Variants in MBD5 observed in about 807,000 individuals in gnomAD.
The protein encoded by MBD5 is methyl-CpG binding domain protein 5.
A neutral mutation model predicts 117.3 loss-of-function variants in MBD5; 13 were observed. The ratio of observed to expected loss-of-function variants is 0.11; its 90% CI spans 0.07 to 0.18. The LOEUF is 0.18. Ranked by LOEUF, MBD5 falls within the 10% of genes least tolerant of loss-of-function variation. The probability of loss-of-function intolerance (pLI) is 1.00; values close to 1 mark genes in which losing one functional copy is unlikely to be tolerated. For synonymous variants in MBD5, 727 were observed against 766.4 expected (o/e 0.95, Z 0.85); for missense variants, 1,879 against 2,093.8 (o/e 0.90, Z 2.00).
At chr2:148,139,049 T>C (rs1306522580) in intron 1 of MBD5, among the ~76,000 whole-genome samples, 1 of 152,242 alleles carries the variant, frequency 6.6e-6, no homozygotes, top group Admixed American at 6.5e-5. Flanking sequence ...TTTTATATAT[T>C]GTTTTAGAGA....
At chr2:148,250,480 G>A (rs998563048) in intron 3 of MBD5, among the ~76,000 whole-genome samples, 2 of 152,210 alleles carry the variant, frequency 1.3e-5, no homozygotes, top group Non-Finnish European at 2.9e-5. Flanking sequence ...CTGAAAGTGG[G>A]TAATGGATTG....
intron 1 of MBD5, among the ~76,000 whole-genome samples, chr2:148,123,310 C>T (rs1347694150): frequency 1.3e-5 from 2 of 152,108 alleles, no homozygotes; most frequent in Non-Finnish European, 2.9e-5. Flanking sequence ...TATGAATTGA[C>T]ATGAAGAGAT....
In MBD5 at chr2:148,381,189, G is replaced by A. The variant is rs369165864; in HGVS notation, c.-557+38853G>A. ...TACTCTGAGCTAAAGGAGGAAGTTC[G>A]AACCAATGGCAAAGAAGTTAAAAAC... On this transcript the variant is annotated intron_variant, in intron 4 of 13. Coordinates refer to ENST00000642680, the MANE Select transcript of MBD5 (RefSeq NM_001378120.1). Among the ~76,000 whole-genome samples, 33 of 152,184 alleles carry A rather than the reference G, an allele frequency of 2.2e-4. No individual in the cohort carries two copies. The Middle Eastern group carries it at 0.01, about 47-fold the overall frequency.
intron 3 of MBD5, among the ~76,000 whole-genome samples, chr2:148,323,725 G>A (rs1702356193): frequency 6.6e-6 from 1 of 152,128 alleles, no homozygotes; most frequent in Non-Finnish European, 1.5e-5. Context: ...TGAGTTCATT[G>A]TAGATTGTGG....
chr2:148,440,734 T>G (rs1706293499), intron 4 of MBD5, among the ~76,000 whole-genome samples: 1 of 152,110 alleles, frequency 6.6e-6, no homozygotes, highest in African/African-American at 2.4e-5. Flanking sequence ...TAAAACGGAG[T>G]TTGGCAAGTG....
At chr2:148,499,665 A>G (rs1343474152) in intron 11 of MBD5, among the ~76,000 whole-genome samples, 1 of 152,148 alleles carries the variant, frequency 6.6e-6, no homozygotes, top group African/African-American at 2.4e-5. Flanking sequence ...AACCTTTTTA[A>G]TGTTACATTT....
In MBD5 at chr2:148,514,367, C is replaced by T. The variant is rs1395651635; in HGVS notation, c.*1426C>T. On this transcript the variant is annotated 3_prime_UTR_variant, in exon 14 of 14. Coordinates refer to ENST00000642680, the MANE Select transcript of MBD5 (RefSeq NM_001378120.1). Reference sequence around the variant, plus strand: ...ACAACATAATTTTCCGTCTTCTTCTCACAATTTTTGTGGTGGTGGTATTAC... The same window carrying T: ...ACAACATAATTTTCCGTCTTCTTCTTACAATTTTTGTGGTGGTGGTATTAC... 1 of 152,202 alleles carries T rather than the reference C, an allele frequency of 6.6e-6. No individual in the cohort carries two copies. The highest frequency in any genetic ancestry group is 1.5e-5 in the Non-Finnish European group (1 of 68,034). The allele number at this position is 152,202 out of a possible 1,614,324, so 9.4% of individuals were successfully genotyped here.
At chr2:148,435,463 T>C (rs1304926595) in intron 4 of MBD5, among the ~76,000 whole-genome samples, 11 of 152,210 alleles carry the variant, frequency 7.2e-5, no homozygotes, top group Non-Finnish European at 1.5e-5. Context: ...TAGCATTTGC[T>C]TGTCTAAAAA....
rs561351514 is a variant in MBD5, at chr2:148,397,923, G to C, written c.-557+55587G>C. On this transcript the variant is annotated intron_variant, in intron 4 of 13. Coordinates refer to ENST00000642680, the MANE Select transcript of MBD5 (RefSeq NM_001378120.1). The stretch of plus-strand genomic sequence containing the variant: ...CAGTGTTTGGTTTTTTGTCTTTTGC[G>C]ATAGTTTGCAGAGAATGATGGTTTC... Among the ~76,000 whole-genome samples the C allele has an allele frequency of 1.5e-3, 228 of 151,972 alleles. 1 individual carries two copies. The highest frequency in any genetic ancestry group is 2.8e-3 in the Non-Finnish European group (188 of 67,990).
intron 1 of MBD5, among the ~76,000 whole-genome samples, chr2:148,119,066 T>A (rs1696705098): frequency 6.6e-6 from 1 of 152,162 alleles, no homozygotes; most frequent in East Asian, 1.9e-4. Context: ...GTTGGGTAAA[T>A]TTATATTTAA....
chr2:148,165,557 T>C (rs1193714654), intron 1 of MBD5, among the ~76,000 whole-genome samples: 1 of 152,106 alleles, frequency 6.6e-6, no homozygotes, highest in Non-Finnish European at 1.5e-5. Context: ...ACAGGTTTTT[T>C]ATATATTTTA....
At chr2:148,250,283 G>A (rs1700435942) in intron 3 of MBD5, among the ~76,000 whole-genome samples, 1 of 152,114 alleles carries the variant, frequency 6.6e-6, no homozygotes, top group Admixed American at 6.6e-5. Flanking sequence ...GACACAAAGA[G>A]GGAAACAACA....
chr2:148,472,239 G>C (rs190157211), intron 8 of MBD5: 7 of 151,940 alleles, frequency 4.6e-5, no homozygotes, highest in African/African-American at 1.7e-4. Context: ...GACCTGTACT[G>C]TTACTGCTGG....
intron 1 of MBD5, among the ~76,000 whole-genome samples, chr2:148,163,347 T>C (rs1293983602): frequency 6.6e-6 from 1 of 152,214 alleles, no homozygotes; most frequent in Non-Finnish European, 1.5e-5. Context: ...TTACTTCTTC[T>C]CTTAGCTTTG....
intron 1 of MBD5, among the ~76,000 whole-genome samples, chr2:148,063,954 C>G (rs1402901136): frequency 6.6e-6 from 1 of 151,952 alleles, no homozygotes; most frequent in South Asian, 2.1e-4. Flanking sequence ...CATTGCCACC[C>G]TGTTTGCTCA....
intron 3 of MBD5, among the ~76,000 whole-genome samples, chr2:148,238,896 C>A (rs1310536673): frequency 6.6e-6 from 1 of 152,012 alleles, no homozygotes; most frequent in Non-Finnish European, 1.5e-5. Context: ...TTAATTACAT[C>A]TATAAAGACT....
At chr2:148,127,654 C>T (rs1696936031) in intron 1 of MBD5, among the ~76,000 whole-genome samples, 1 of 152,086 alleles carries the variant, frequency 6.6e-6, no homozygotes, top group Admixed American at 6.6e-5. Context: ...TGGGTTGATT[C>T]CATGTCTTTG....
At chr2:148,331,088 T>C (rs1422946029) in intron 3 of MBD5, among the ~76,000 whole-genome samples, 1 of 152,214 alleles carries the variant, frequency 6.6e-6, no homozygotes, top group East Asian at 1.9e-4. Flanking sequence ...TGCTATATGC[T>C]AGCTTCCATG....
chr2:148,511,527 G>A (rs1682213939), intron 13 of MBD5, among the ~76,000 whole-genome samples: 1 of 152,190 alleles, frequency 6.6e-6, no homozygotes, highest in African/African-American at 2.4e-5. Context: ...TGTTCATGTT[G>A]CAAGATCTTT....
Sources: gnomAD v4.1 joint callset for allele counts (sites outside exome capture counted in the v4.1 genomes callset) on GRCh38, gnomAD v4.1.1 for gene constraint, MANE v1.5 for transcripts, NCBI Gene and HGNC (gene_info 2026-07-23, HGNC 2026-07-21) for gene names.